The following PCNX1 variants were observed in gnomAD, a reference collection of about 807,000 sequenced individuals.
The protein encoded by PCNX1 is pecanex 1, also known as pecanex-like protein 1.
A neutral mutation model predicts 242.2 loss-of-function variants in PCNX1; 78 were observed. That is an observed-to-expected ratio of 0.32 (90% CI 0.27 to 0.39). PCNX1 has a LOEUF of 0.39. Among genes scored for constraint, PCNX1 ranks in the 10% least tolerant of loss-of-function variants. PCNX1 has a pLI of 1.00. For missense variants in PCNX1, 2,581 were observed against 2,856.5 expected (o/e 0.90, Z 2.20); for synonymous variants, 1,024 against 1,032.9 (o/e 0.99, Z 0.17).
intron 1 of PCNX1, among the ~76,000 whole-genome samples, chr14:70,932,360 G>C (rs1407584815): frequency 6.6e-6 from 1 of 151,868 alleles, no homozygotes; most frequent in Non-Finnish European, 1.5e-5. Context: ...GTAAACTTCG[G>C]GGTATCTTTG....
intron 24 of PCNX1, 76 bp from the exon 25 acceptor site, chr14:71,055,428 A>G (rs1276947265): frequency 1.4e-5 from 12 of 828,328 alleles, no homozygotes; most frequent in Non-Finnish European, 2.2e-5. Flanking sequence ...CATTTCCTAT[A>G]GTTTCTTCCT....
intron 30 of PCNX1, among the ~76,000 whole-genome samples, chr14:71,100,096 G>T (rs942624349): frequency 2.0e-5 from 3 of 152,042 alleles, no homozygotes; most frequent in African/African-American, 4.8e-5. Context: ...TGAGGTTTTG[G>T]TCCTATTAGG....
chr14:71,070,940 G>GT (rs1248961910), intron 26 of PCNX1, among the ~76,000 whole-genome samples: 2 of 152,172 alleles, frequency 1.3e-5, no homozygotes, highest in Non-Finnish European at 2.9e-5. Context: ...TTGAAAATCT[G>GT]TTGTTGTAGT....
At chr14:71,049,187 A>T (rs1289775702) in intron 22 of PCNX1, 2 of 619,016 alleles carry the variant, frequency 3.2e-6, no homozygotes, top group Non-Finnish European at 4.0e-6. Context: ...TTAACTCTGC[A>T]TTAGTTTGGA....
At chr14:70,910,061 T>TCCC (rs1566808377) in intron 1 of PCNX1, among the ~76,000 whole-genome samples, 2 of 29,736 alleles carry the variant, frequency 6.7e-5, no homozygotes, top group African/African-American at 1.1e-4. Flanking sequence ...CTCCTCCTCC[T>TCCC]CCCCCTCCTC....
At chr14:70,981,794 TG>T (rs891448586) in intron 6 of PCNX1, among the ~76,000 whole-genome samples, 2 of 152,234 alleles carry the variant, frequency 1.3e-5, no homozygotes, top group African/African-American at 2.4e-5. Context: ...CGTTTTCTTT[TG>T]GACCGTTTAA....
chr14:70,994,396 G>GAGATATATAT (rs1555357307), intron 7 of PCNX1, among the ~76,000 whole-genome samples: 3 of 96,968 alleles, frequency 3.1e-5, no homozygotes, highest in African/African-American at 1.2e-4. Context: ...ACAGGCTTAA[G>GAGATATATAT]ATATATATAT....
chr14:71,088,923 G>A (rs936920262), intron 29 of PCNX1, among the ~76,000 whole-genome samples: 3 of 152,062 alleles, frequency 2.0e-5, no homozygotes, highest in South Asian at 2.1e-4. Flanking sequence ...CATGTTTTCC[G>A]TTAAGCTTTT....
At position 71,105,219 on chromosome 14, in the gene PCNX1, T is replaced by C. The variant is rs771789835; in HGVS notation, c.6096-16T>C. The C allele has an allele frequency of 1.7e-5, 27 of 1,593,756 alleles. No homozygotes were observed. The highest frequency in any genetic ancestry group is 1.0e-4 in the Admixed American group (6 of 59,952). On this transcript the variant is annotated splice_polypyrimidine_tract_variant and intron_variant, in intron 32 of 35. Coordinates refer to ENST00000304743, the MANE Select transcript of PCNX1 (RefSeq NM_014982.3). ...GATCTTGGAATAATGCTTCCTACTC[T>C]GGTATTTGTTCCTAGGCTTAGGAAA...
At position 71,045,230 on chromosome 14, in the gene PCNX1, G is replaced by A; in HGVS notation, c.3965G>A (p.Cys1322Tyr). The change falls in exon 20 of 36, where the codon TGT becomes TAT. Residue 1322 changes from cysteine to tyrosine, a missense_variant. Cys to Tyr is a radical substitution (Grantham distance 194). Transcript: ENST00000304743. ...GTTAGAAAACAGCTACCATGGCACT[G>A]TTTCTCTCATCCTCTGCTAAAGACA... Reference protein sequence around the residue: ...PQVRKQLPWHCFSHPLLKTLE... With the variant: ...PQVRKQLPWHYFSHPLLKTLE... The A allele has an allele frequency of 6.2e-7, 1 of 1,613,314 alleles. No individual in the cohort carries two copies. Among genetic ancestry groups the A allele is most frequent in the Non-Finnish European group, 8.5e-7 (1 of 1,179,442 alleles).
chr14:70,988,700 G>A lies in PCNX1; in HGVS notation c.2444+1G>A. 6.2e-7 allele frequency: 1 copy of A among 1,611,112 alleles called. No homozygotes were observed. Among genetic ancestry groups the A allele is most frequent in the Non-Finnish European group, 8.5e-7 (1 of 1,177,640 alleles). Reference sequence around the variant, plus strand: ...CATTGCTCATCGGATCACCCCTAAGGTATGGTATTTTCAATTCCACCAAGT... The same window carrying A: ...CATTGCTCATCGGATCACCCCTAAGATATGGTATTTTCAATTCCACCAAGT... On this transcript the variant is annotated splice_donor_variant, in intron 7 of 35. Transcript: ENST00000304743. LOFTEE classifies it high-confidence loss of function.
chr14:70,935,711 A>C (rs1046730337), intron 1 of PCNX1, among the ~76,000 whole-genome samples: 2 of 152,246 alleles, frequency 1.3e-5, no homozygotes, highest in East Asian at 1.9e-4. Context: ...TGTGGACTAC[A>C]GTGAATTACA....
At chr14:71,021,331 G>C (rs1457687307) in intron 12 of PCNX1, among the ~76,000 whole-genome samples, 1 of 152,044 alleles carries the variant, frequency 6.6e-6, no homozygotes, top group Non-Finnish European at 1.5e-5. Context: ...GTTGCATTGA[G>C]TCTGTGAATT....
intron 8 of PCNX1, among the ~76,000 whole-genome samples, chr14:70,999,580 G>T (rs529617566): frequency 3.5e-4 from 54 of 152,206 alleles, no homozygotes; most frequent in African/African-American, 1.3e-3. Context: ...TGCTTGAATT[G>T]ATTTTCCTTA....
chr14:71,025,550 T>A (rs889916342), intron 13 of PCNX1, among the ~76,000 whole-genome samples: 1 of 152,150 alleles, frequency 6.6e-6, no homozygotes, highest in Non-Finnish European at 1.5e-5. Context: ...AGTGTATGTA[T>A]GTATGTACAT....
intron 1 of PCNX1, among the ~76,000 whole-genome samples, chr14:70,940,689 G>T (rs191250312): frequency 2.0e-4 from 31 of 152,240 alleles, no homozygotes; most frequent in Admixed American, 4.6e-4. Context: ...GCTAGGTTGG[G>T]GAAGTTCTCC....
chr14:70,941,978 A>T (rs2057268023), intron 1 of PCNX1, among the ~76,000 whole-genome samples: 1 of 152,148 alleles, frequency 6.6e-6, no homozygotes, highest in African/African-American at 2.4e-5. Flanking sequence ...AGACCATTGG[A>T]AAAGCACAGT....
rs1248212438 is a variant in PCNX1 at position 71,105,271 on chromosome 14, T to A, written c.6132T>A (p.Gly2044=). 4 of 1,613,944 alleles carry A rather than the reference T, an allele frequency of 2.5e-6. No individual in the cohort carries two copies. The highest frequency in any genetic ancestry group is 2.7e-5 in the African/African-American group (2 of 74,912). The change falls in exon 33 of 36, where the codon GGT becomes GGA. Residue 2044 remains glycine, a synonymous_variant. Coordinates refer to ENST00000304743, the MANE Select transcript of PCNX1 (RefSeq NM_014982.3). ...GTTGCGGAGCTGGATGTAACAGTGGTGGCAATATTGAAGATTCTGATACTG... is the reference window on the plus strand; with the variant it reads ...GTTGCGGAGCTGGATGTAACAGTGGAGGCAATATTGAAGATTCTGATACTG... ...RKGCGAGCNS[G]GNIEDSDTGG...
intron 28 of PCNX1, among the ~76,000 whole-genome samples, chr14:71,078,390 A>C (rs1371744529): frequency 6.6e-6 from 1 of 152,176 alleles, no homozygotes; most frequent in African/African-American, 2.4e-5. Context: ...CCCTTCTTCC[A>C]TAGTTTCCTT....
Sources: allele counts gnomAD v4.1 joint callset (sites outside exome capture counted in the v4.1 genomes callset), GRCh38; gene constraint gnomAD v4.1.1; transcripts MANE v1.5; gene names NCBI Gene and HGNC (gene_info 2026-07-23, HGNC 2026-07-21).